ZNF839: variants seen among roughly 807,000 people sequenced by gnomAD.
ZNF839 encodes renal carcinoma antigen NY-REN-50.
A neutral mutation model predicts 56.4 loss-of-function variants in ZNF839; 38 were observed. The observed-to-expected ratio is 0.67, with a 90% CI of 0.52 to 0.88. The LOEUF is 0.88. Among genes scored for constraint, ZNF839 ranks in the 40% least tolerant of loss-of-function variants. The pLI, the probability that ZNF839 is intolerant of heterozygous loss-of-function variation, is 0.00. For missense variants in ZNF839, 1,091 were observed against 1,177.6 expected, an observed-to-expected ratio of 0.93 and a Z score of 1.08; for synonymous variants, 486 against 493.5, an observed-to-expected ratio of 0.98 and a Z score of 0.20.
chr14:102,326,184 C>T lies in ZNF839; in HGVS notation c.488C>T (p.Ser163Phe). The T allele has an allele frequency of 1.2e-6, 2 of 1,613,808 alleles. No individual in the cohort carries two copies. Among genetic ancestry groups the T allele is most frequent in the Non-Finnish European group, 8.5e-7 (1 of 1,179,780 alleles). ...VQPLVRTEPQ[S>F]CFLSDLCQPP... The stretch of plus-strand genomic sequence containing the variant: ...CCGCTTGTGAGAACCGAGCCACAGT[C>T]CTGCTTCCTAAGTGACTTATGCCAA... Residue 163 changes from serine to phenylalanine, a missense_variant, in exon 2 of 8, where the codon TCC becomes TTC. Transcript: ENST00000442396. This position sits in a 1 kb window ranked among gnomAD's most constrained non-coding sequence, Gnocchi z 4.3.
intron 3 of ZNF839, among the ~76,000 whole-genome samples, chr14:102,333,760 A>G (rs1305130154): frequency 6.6e-6 from 1 of 152,014 alleles, no homozygotes; most frequent in Non-Finnish European, 1.5e-5. Context: ...TCATTGAAAC[A>G]TCTCCACCTG....
chr14:102,333,486 C>G (rs1252728235), intron 3 of ZNF839, among the ~76,000 whole-genome samples: 1 of 152,074 alleles, frequency 6.6e-6, no homozygotes, highest in African/African-American at 2.4e-5. Context: ...TGGTCTCGAA[C>G]TCCTACCCTG....
At chr14:102,338,708 C>T (rs1352168429) in intron 5 of ZNF839, 108 bp from the exon 6 acceptor site, 8 of 1,501,110 alleles carry the variant, frequency 5.3e-6, no homozygotes, top group Non-Finnish European at 7.2e-6. Flanking sequence ...AGGTGAGGAA[C>T]TTTGTAGATT....
At chr14:102,322,304 G>A (rs753108701) in intron 1 of ZNF839, among the ~76,000 whole-genome samples, 2 of 152,222 alleles carry the variant, frequency 1.3e-5, no homozygotes, top group Admixed American at 1.3e-4. Flanking sequence ...CACCCCAGGA[G>A]ATCCGATTCA....
rs762890037 is a variant in ZNF839, at chr14:102,341,675, G to A, written c.2280G>A (p.Pro760=). Residue 760 remains proline (P), a synonymous_variant, in exon 8 of 8, where the codon CCG becomes CCA. Coordinates refer to ENST00000442396, the MANE Select transcript of ZNF839 (RefSeq NM_018335.6). ...CTGGTGGTGGAGCAGAGTCCCTGCCGCCTGGGGGGCCTGGACATGCAGAGG... is the reference window on the plus strand; with the variant it reads ...CTGGTGGTGGAGCAGAGTCCCTGCCACCTGGGGGGCCTGGACATGCAGAGG... The part of the protein sequence containing the change: ...LSSGGGAESL[P]PGGPGHAEAG... 2.4e-5 allele frequency: 39 copies of A among 1,613,968 alleles called. No individual in the cohort carries two copies. In the South Asian group the frequency reaches 3.0e-4, roughly 12 times the overall value.
intron 1 of ZNF839, among the ~76,000 whole-genome samples, chr14:102,322,762 G>A (rs985368540): frequency 8.5e-5 from 13 of 152,058 alleles, no homozygotes; most frequent in African/African-American, 7.2e-5. Context: ...ACAGGGTCCC[G>A]CTATGTTACC....
intron 5 of ZNF839, 103 bp from the exon 6 acceptor site, chr14:102,338,713 T>C (rs906178246): frequency 2.2e-5 from 34 of 1,520,766 alleles, no homozygotes; most frequent in Non-Finnish European, 2.8e-5. Context: ...AGGAACTTTG[T>C]AGATTTAATT....
At position 102,334,655 on chromosome 14, in the gene ZNF839, T is replaced by C. The variant is rs752700462; in HGVS notation, c.1509+9T>C. 6.4e-7 allele frequency: 1 copy of C among 1,556,048 alleles called. No individual in the cohort carries two copies. Among genetic ancestry groups the C allele is most frequent in the Non-Finnish European group, 8.8e-7 (1 of 1,130,630 alleles). ...AGTTTCTTCTGATGAAGGTGAGTAC[T>C]CTTAGTGTTTCTAAATGATAGCGGG... On this transcript the variant is annotated intron_variant, in intron 4 of 7. Coordinates refer to ENST00000442396, the MANE Select transcript of ZNF839 (RefSeq NM_018335.6).
At chr14:102,319,728 G>C (rs1298103635), upstream of ZNF839, 2 of 1,226,354 alleles carry the variant, frequency 1.6e-6, no homozygotes, top group Non-Finnish European at 2.0e-6. This position sits in a 1 kb window ranked among gnomAD's most constrained non-coding sequence, Gnocchi z 4.5. Context: ...AGACGCCGTC[G>C]CTCAGCGACC....
chr14:102,326,690 T>C lies in ZNF839; in HGVS notation c.994T>C (p.Phe332Leu). 1 of 1,612,618 alleles carries C rather than the reference T, an allele frequency of 6.2e-7. No individual in the cohort carries two copies. Among genetic ancestry groups the C allele is most frequent in the Non-Finnish European group, 8.5e-7 (1 of 1,179,358 alleles). Residue 332 changes from phenylalanine to leucine, a missense_variant, in exon 2 of 8, where the codon TTT becomes CTT. By Grantham distance (22) the Phe-to-Leu change is conservative. Transcript: ENST00000442396. This position sits in a 1 kb window ranked among gnomAD's most constrained non-coding sequence, Gnocchi z 4.3. ...AGGGAAGGGGGGACTGGCCCGACAT[T>C]TTAAACTTAACCCAGGCCACGGCCA... ...YIGKGGLARH[F>L]KLNPGHGQLD...
chr14:102,321,553 A>T (rs1459893048), intron 1 of ZNF839, among the ~76,000 whole-genome samples: 2 of 152,246 alleles, frequency 1.3e-5, no homozygotes, highest in African/African-American at 4.8e-5. Context: ...ATACCTTTGC[A>T]GCACATTCTT....
At chr14:102,328,772 C>T (rs985580315) in intron 2 of ZNF839, among the ~76,000 whole-genome samples, 1 of 151,912 alleles carries the variant, frequency 6.6e-6, no homozygotes, top group African/African-American at 2.4e-5. Context: ...TCACTTTGCA[C>T]GATATCCAAG....
intron 1 of ZNF839, among the ~76,000 whole-genome samples, chr14:102,324,420 G>A (rs1468116020): frequency 6.6e-6 from 1 of 152,154 alleles, no homozygotes; most frequent in Admixed American, 6.5e-5. Flanking sequence ...GCAAGCGCCT[G>A]TAATCAGGGC....
chr14:102,324,733 C>T (rs1458354234), intron 1 of ZNF839, among the ~76,000 whole-genome samples: 1 of 151,124 alleles, frequency 6.6e-6, no homozygotes, highest in Non-Finnish European at 1.5e-5. Context: ...GCAGGTGGAT[C>T]GCCAGAGGTC....
Position 102,339,573 on chromosome 14 carries a change from C to T in ZNF839, c.1927+350C>T, listed in dbSNP as rs1886259928. Among the ~76,000 whole-genome samples, 4 of 152,192 alleles carry T rather than the reference C, an allele frequency of 2.6e-5. 1 individual carries two copies. The highest frequency in any genetic ancestry group is 9.6e-5 in the African/African-American group (4 of 41,550). ...CAGCCTGGCCAACATGGCAAAACCC[C>T]GTCTCTACTAAAAATACAAAAAAAA... On this transcript the variant is annotated intron_variant, in intron 7 of 7. Transcript: ENST00000442396.
In ZNF839 at chr14:102,326,303, G is replaced by T. The variant is rs949089311; in HGVS notation, c.607G>T (p.Gly203Cys). The T allele has an allele frequency of 3.1e-6, 5 of 1,612,906 alleles. No individual in the cohort carries two copies. The highest frequency in any genetic ancestry group is 3.4e-6 in the Non-Finnish European group (4 of 1,179,450). ...VPAPKAPDEQ[G>C]SMLTPLSASD... ...AGCCCCCAAGGCTCCAGATGAACAG[G>T]GCTCCATGTTGACCCCTTTGTCTGC... is the stretch of plus-strand genomic sequence containing the variant. The change falls in exon 2 of 8, where the codon GGC (glycine) becomes TGC (cysteine). Residue 203 changes from glycine to cysteine, a missense_variant. By Grantham distance (159) the Gly-to-Cys change is radical. Transcript: ENST00000442396. The surrounding 1 kb of genome is among the most constrained non-coding windows in gnomAD (Gnocchi z 4.3).
intron 4 of ZNF839, 142 bp from the exon 5 acceptor site, chr14:102,335,547 C>T: frequency 2.6e-6 from 2 of 768,596 alleles, no homozygotes; most frequent in Non-Finnish European, 2.0e-6. Flanking sequence ...ACAGTAGGTG[C>T]TCACTGGGGA....
At chr14:102,333,365 C>T (rs953100283) in intron 3 of ZNF839, among the ~76,000 whole-genome samples, 3 of 146,056 alleles carry the variant, frequency 2.1e-5, no homozygotes, top group Non-Finnish European at 4.4e-5. Context: ...CTCAATTGAT[C>T]TTCCTGCATC....
At chr14:102,338,406 T>C (rs1886088984) in intron 5 of ZNF839, among the ~76,000 whole-genome samples, 1 of 151,638 alleles carries the variant, frequency 6.6e-6, no homozygotes, top group Admixed American at 6.6e-5. Context: ...GGCATGGTGG[T>C]GCATGCCTGT....
Sources: allele counts gnomAD v4.1 joint callset (sites outside exome capture counted in the v4.1 genomes callset), GRCh38; gene constraint gnomAD v4.1.1; non-coding constraint Gnocchi (gnomAD v3.1); transcripts MANE v1.5; gene names NCBI Gene and HGNC (gene_info 2026-07-23, HGNC 2026-07-21).